HSF2: variants seen among roughly 807,000 people sequenced by gnomAD.
HSF2 encodes the protein heat shock factor protein 2.
Under a neutral mutation model 65.0 loss-of-function variants are expected in HSF2, and 21 were observed. The ratio of observed to expected loss-of-function variants is 0.32; its 90% CI spans 0.23 to 0.47. The LOEUF (loss-of-function observed/expected upper bound fraction) is 0.47. Ranked by LOEUF, HSF2 falls within the 20% of genes least tolerant of loss-of-function variation. The probability of loss-of-function intolerance (pLI) is 1.00; values close to 1 mark genes in which losing one functional copy is unlikely to be tolerated. For synonymous variants in HSF2, 225 were observed against 219.1 expected (o/e 1.03, Z -0.24); for missense variants, 499 against 628.1 (o/e 0.79, Z 2.20).
intron 10 of HSF2, among the ~76,000 whole-genome samples, chr6:122,423,891 A>G (rs745854414): frequency 6.6e-6 from 1 of 152,112 alleles, no homozygotes; most frequent in South Asian, 2.1e-4. Context: ...TGGAGTAGCA[A>G]TTGAACTAAT....
At chr6:122,409,509 G>A (rs1773942984) in intron 1 of HSF2, among the ~76,000 whole-genome samples, 1 of 151,912 alleles carries the variant, frequency 6.6e-6, no homozygotes, top group Non-Finnish European at 1.5e-5. Flanking sequence ...GAAAAAGAAG[G>A]TATAAGAGGG....
Position 122,432,185 on chromosome 6 carries a change from C to G in HSF2, c.1576C>G (p.Pro526Ala). ...TTATTTATGTGAACTTGCTCCTGCA[C>G]CTCTGGATAGTGATATGCCACTTTT... ...LFYLCELAPA[P>A]LDSDMPLLDS Residue 526 changes from proline to alanine, a missense_variant, in exon 13 of 13, where the codon CCT becomes GCT. This residue lies in a region of HSF2 where 349 missense variants were observed against 393.5 expected (regional missense o/e 0.89). Transcript: ENST00000368455. 1 of 1,613,970 alleles carries G rather than the reference C, an allele frequency of 6.2e-7. No homozygotes were observed. The highest frequency in any genetic ancestry group is 8.5e-7 in the Non-Finnish European group (1 of 1,179,880).
intron 5 of HSF2, among the ~76,000 whole-genome samples, chr6:122,418,013 G>C (rs576750717): frequency 7.9e-5 from 12 of 152,134 alleles, no homozygotes; most frequent in Non-Finnish European, 1.8e-4. Flanking sequence ...TTATAAGGCA[G>C]ACCATTTAGT....
intron 7 of HSF2, among the ~76,000 whole-genome samples, chr6:122,421,181 G>C (rs2114446372): frequency 6.6e-6 from 1 of 151,704 alleles, no homozygotes; most frequent in East Asian, 1.9e-4. Flanking sequence ...CCTTCATTTT[G>C]TCACAGGCTT....
In HSF2 at chr6:122,399,658, G is replaced by C. The variant is rs1582601418; in HGVS notation, c.-80G>C. 7 of 994,974 alleles carry C rather than the reference G, an allele frequency of 7.0e-6. No homozygotes were observed. Among genetic ancestry groups the C allele is most frequent in the Middle Eastern group, 2.3e-4 (1 of 4,360 alleles). 61.6% of individuals were successfully genotyped at this position (994,974 alleles called of 1,614,324 possible). On this transcript the variant is annotated 5_prime_UTR_variant, in exon 1 of 13. Coordinates refer to ENST00000368455, the MANE Select transcript of HSF2 (RefSeq NM_004506.4). ...CTGCGCCTGCGTTGTGGGCGTTCTC[G>C]GGGAGCTGCTGCCGTAGCTGCCGCC...
At chr6:122,427,877 A>G (rs776659431) in intron 10 of HSF2, 26 bp from the exon 11 acceptor site, 5 of 1,550,678 alleles carry the variant, frequency 3.2e-6, no homozygotes, top group Non-Finnish European at 4.4e-6. Context: ...TTTTAAACTT[A>G]TCATCTTTCT....
chr6:122,413,350 G>A (rs978324368), intron 3 of HSF2, among the ~76,000 whole-genome samples, 175 bp from the exon 4 acceptor site: 4 of 151,726 alleles, frequency 2.6e-5, no homozygotes, highest in African/African-American at 7.3e-5. Flanking sequence ...TATTCCTTGC[G>A]TTCTCTCCCA....
chr6:122,427,836 A>C lies in HSF2; in HGVS notation c.1177-67A>C, dbSNP rs533436986. The C allele has an allele frequency of 5.4e-5, 66 of 1,214,112 alleles. No individual in the cohort carries two copies. The African/African-American group carries it at 9.5e-4, about 17-fold the overall frequency. The allele number at this position is 1,214,112 out of a possible 1,614,324, so 75.2% of individuals were successfully genotyped here. Reference sequence around the variant, plus strand: ...CTCTTCACCCAACATGGCTGTATAAAATTTTGAACACACAATTATTTTTAA... The same window carrying C: ...CTCTTCACCCAACATGGCTGTATAACATTTTGAACACACAATTATTTTTAA... On this transcript the variant is annotated intron_variant, in intron 10 of 12. Transcript: ENST00000368455.
At chr6:122,428,371 C>T (rs997130250) in intron 11 of HSF2, among the ~76,000 whole-genome samples, 1 of 151,700 alleles carries the variant, frequency 6.6e-6, no homozygotes, top group Non-Finnish European at 1.5e-5. Flanking sequence ...AGTAAAAATT[C>T]AGGAATTCTT....
At chr6:122,422,366 A>G (rs532148478) in intron 8 of HSF2, 68 bp downstream of exon 8, 2 of 1,097,626 alleles carry the variant, frequency 1.8e-6, no homozygotes, top group Non-Finnish European at 2.7e-6. Context: ...GTAAAATTCA[A>G]AACTACTTTG....
Position 122,413,585 on chromosome 6 carries a change from A to G in HSF2, c.391A>G (p.Ser131Gly). The change falls in exon 4 of 13, where the codon AGT (serine) becomes GGT (glycine). Residue 131 changes from serine (S) to glycine (G), a missense_variant. Coordinates refer to ENST00000368455, the MANE Select transcript of HSF2 (RefSeq NM_004506.4). ...IRQEDLTKII[S>G]SAQKVQIKQE... ...TCAGGAAGATTTAACAAAAATTATA[A>G]GTAGTGCTCAGAAGGTTCAGATAAA... 6.3e-7 allele frequency: 1 copy of G among 1,597,448 alleles called. No individual in the cohort carries two copies. Among genetic ancestry groups the G allele is most frequent in the Admixed American group, 1.7e-5 (1 of 59,826 alleles).
chr6:122,399,751 C>T lies in HSF2; in HGVS notation c.14C>T (p.Ser5Leu). 1 of 1,612,192 alleles carries T rather than the reference C, an allele frequency of 6.2e-7. No individual in the cohort carries two copies. The change falls in exon 1 of 13, where the codon TCG (serine) becomes TTG (leucine). Residue 5 changes from serine to leucine, a missense_variant. Coordinates refer to ENST00000368455, the MANE Select transcript of HSF2 (RefSeq NM_004506.4). ...GCCGCGTTAACAATGAAGCAGAGTT[C>T]GAACGTGCCGGCTTTCCTCAGCAAG... is the stretch of plus-strand genomic sequence containing the variant. The part of the protein sequence containing the change: MKQS[S>L]NVPAFLSKLW...
At chr6:122,412,317 C>A in intron 1 of HSF2, 56 bp from the exon 2 acceptor site, 1 of 985,994 alleles carries the variant, frequency 1.0e-6, no homozygotes, top group Non-Finnish European at 1.6e-6. Context: ...AATATATCAC[C>A]ATGTGTCATA....
At position 122,427,900 on chromosome 6, in the gene HSF2, C is replaced by T. The variant is rs752285028; in HGVS notation, c.1177-3C>T. 3.1e-6 allele frequency: 5 copies of T among 1,587,798 alleles called. No individual in the cohort carries two copies. The highest frequency in any genetic ancestry group is 1.7e-5 in the Admixed American group (1 of 57,302). On this transcript the variant is annotated splice_polypyrimidine_tract_variant and splice_region_variant and intron_variant, in intron 10 of 12. Coordinates refer to ENST00000368455, the MANE Select transcript of HSF2 (RefSeq NM_004506.4). Reference sequence around the variant, plus strand: ...TTATCATCTTTCTTGTTTGGTCTTTCAGCTTTTCACTAGTTCTGTGCAGAT... The same window carrying T: ...TTATCATCTTTCTTGTTTGGTCTTTTAGCTTTTCACTAGTTCTGTGCAGAT...
chr6:122,430,865 G>GACAGAAAAGAACTGACAGAGCT (rs1187789804), intron 11 of HSF2, among the ~76,000 whole-genome samples: 4 of 152,068 alleles, frequency 2.6e-5, no homozygotes, highest in Non-Finnish European at 4.4e-5. Flanking sequence ...CAATTTAAAT[G>GACAGAAAAGAACTGACAGAGCT]ACAGAAAAGA....
chr6:122,422,704 T>C lies in HSF2; in HGVS notation c.831-14T>C, dbSNP rs867717077. On this transcript the variant is annotated splice_polypyrimidine_tract_variant and intron_variant, in intron 8 of 12. Coordinates refer to ENST00000368455, the MANE Select transcript of HSF2 (RefSeq NM_004506.4). ...TGAAAATGTAATAGGTTCCTTCTTT[T>C]ATTGCTGATTTAGCTGTAGCCAGTA... 6.2e-6 allele frequency: 10 copies of C among 1,611,708 alleles called. No individual in the cohort carries two copies. In the Middle Eastern group the frequency reaches 1.7e-3, roughly 275 times the overall value.
At chr6:122,430,405 T>C (rs958184065) in intron 11 of HSF2, among the ~76,000 whole-genome samples, 8 of 152,148 alleles carry the variant, frequency 5.3e-5, no homozygotes, top group Non-Finnish European at 8.8e-5. Context: ...GTTATCAGGT[T>C]CTCATGTTTT....
intron 1 of HSF2, among the ~76,000 whole-genome samples, chr6:122,408,559 AT>A (rs1190068533): frequency 6.6e-6 from 1 of 152,082 alleles, no homozygotes; most frequent in African/African-American, 2.4e-5. Context: ...TTAAAAATAG[AT>A]TTCTAGCTGT....
Position 122,432,284 on chromosome 6 carries a change from T to C in HSF2, c.*64T>C. 7.5e-7 allele frequency: 1 copy of C among 1,325,394 alleles called. No individual in the cohort carries two copies. Among genetic ancestry groups the C allele is most frequent in the Non-Finnish European group, 1.0e-6 (1 of 956,872 alleles). The allele number at this position is 1,325,394 out of a possible 1,614,324, so 82.1% of individuals were successfully genotyped here. ...AAATGATGAACTATTTATTTTAAAG[T>C]ATCATTTGGTACTTTTTTTGTAAAT... On this transcript the variant is annotated 3_prime_UTR_variant, in exon 13 of 13. Transcript: ENST00000368455.
Sources: gnomAD v4.1 joint callset for allele counts (sites outside exome capture counted in the v4.1 genomes callset) on GRCh38, gnomAD v4.1.1 for gene constraint, gnomAD v4.1.1 regional missense constraint, MANE v1.5 for transcripts, NCBI Gene and HGNC (gene_info 2026-07-23, HGNC 2026-07-21) for gene names.